Variants in CYRIA observed in about 807,000 individuals in gnomAD.
CYRIA encodes the protein CYFIP-related Rac1 interactor A.
In CYRIA, 15 loss-of-function variants were observed where a neutral mutation model predicts 43.9. The ratio of observed to expected loss-of-function variants is 0.34; its 90% CI spans 0.23 to 0.53. The LOEUF is 0.53. Among genes scored for constraint, CYRIA ranks in the 20% least tolerant of loss-of-function variants. The probability of loss-of-function intolerance (pLI) is 0.94; values close to 1 mark genes in which losing one functional copy is unlikely to be tolerated. For synonymous variants in CYRIA, 117 were observed against 136.0 expected (o/e 0.86, Z 0.97); for missense variants, 236 against 394.2 (o/e 0.60, Z 3.40).
intron 1 of CYRIA, among the ~76,000 whole-genome samples, chr2:16,645,654 G>A (rs537618748): frequency 1.3e-5 from 2 of 152,268 alleles, no homozygotes; most frequent in Admixed American, 6.5e-5. Context: ...AAAGCTCTAC[G>A]ATGTCACAAA....
At chr2:16,578,284 T>C (rs1572474444) in intron 3 of CYRIA, among the ~76,000 whole-genome samples, 1 of 152,186 alleles carries the variant, frequency 6.6e-6, no homozygotes, top group East Asian at 1.9e-4. Context: ...TGTGATTTTC[T>C]GAGTGCACGT....
chr2:16,649,873 G>A (rs1247386877), intron 1 of CYRIA, among the ~76,000 whole-genome samples: 1 of 152,182 alleles, frequency 6.6e-6, no homozygotes, highest in Non-Finnish European at 1.5e-5. Context: ...TCCCTGGGAG[G>A]AGGTTACAAT....
In CYRIA at chr2:16,605,518, A is replaced by T. The variant is rs561130810; in HGVS notation, c.-10-17389T>A. Among the ~76,000 whole-genome samples, 3 of 152,246 alleles carry T rather than the reference A, an allele frequency of 2.0e-5. No homozygotes were observed. The South Asian group carries it at 6.2e-4, about 32-fold the overall frequency. ...CTAGGCAGGTGGACACTCTCAGCCT[A>T]CCCAGGCCCGTTCTGCCTAATTTCA... On this transcript the variant is annotated intron_variant, in intron 2 of 11. Transcript: ENST00000381323.
At chr2:16,557,012 G>C (rs1206907807) in intron 10 of CYRIA, among the ~76,000 whole-genome samples, 1 of 152,090 alleles carries the variant, frequency 6.6e-6, no homozygotes, top group African/African-American at 2.4e-5. Context: ...GTGTCCATGG[G>C]AAATGGGGTC....
rs541200698 is a variant in CYRIA at position 16,572,586 on chromosome 2, G to A, written c.71-6819C>T. Among the ~76,000 whole-genome samples the A allele has an allele frequency of 2.6e-5, 4 of 152,246 alleles. No homozygotes were observed. The East Asian group carries it at 5.8e-4, about 22-fold the overall frequency. ...GGTCTGAGTTAGCAACAACAGCAAC[G>A]ATCCCAGATGATAGGCTGATCTGAC... On this transcript the variant is annotated intron_variant, in intron 3 of 11. Coordinates refer to ENST00000381323, the MANE Select transcript of CYRIA (RefSeq NM_030797.4).
At chr2:16,628,023 C>T (rs979458460) in intron 1 of CYRIA, among the ~76,000 whole-genome samples, 9 of 152,210 alleles carry the variant, frequency 5.9e-5, no homozygotes, top group Admixed American at 5.2e-4. Context: ...GCAGTGCACA[C>T]ATGCCCGGGA....
chr2:16,638,065 G>T (rs962060673), intron 1 of CYRIA, among the ~76,000 whole-genome samples: 4 of 152,160 alleles, frequency 2.6e-5, no homozygotes, highest in Admixed American at 6.5e-5. Flanking sequence ...CTCATCTTGG[G>T]GTTTGGAAGG....
chr2:16,656,157 A>G (rs1670105419), intron 1 of CYRIA, among the ~76,000 whole-genome samples: 1 of 152,084 alleles, frequency 6.6e-6, no homozygotes, highest in Non-Finnish European at 1.5e-5. Context: ...ATGCACATGT[A>G]CACGCTTACA....
intron 1 of CYRIA, among the ~76,000 whole-genome samples, chr2:16,643,928 T>C (rs1669747288): frequency 6.6e-6 from 1 of 152,226 alleles, no homozygotes; most frequent in Admixed American, 6.5e-5. Flanking sequence ...CCAAGCACAG[T>C]GCCTGCAGAC....
intron 2 of CYRIA, among the ~76,000 whole-genome samples, chr2:16,591,864 A>T (rs1443704443): frequency 6.6e-6 from 1 of 152,050 alleles, no homozygotes; most frequent in African/African-American, 2.4e-5. Flanking sequence ...CTTACTTTAG[A>T]CACACACACA....
At chr2:16,619,560 C>A (rs1001418734) in intron 2 of CYRIA, among the ~76,000 whole-genome samples, 4 of 152,202 alleles carry the variant, frequency 2.6e-5, no homozygotes, top group Non-Finnish European at 4.4e-5. Context: ...GCTGTTAAAT[C>A]AGCGTTTCTG....
At chr2:16,613,488 T>C (rs552677517) in intron 2 of CYRIA, among the ~76,000 whole-genome samples, 6 of 152,370 alleles carry the variant, frequency 3.9e-5, no homozygotes, top group Admixed American at 2.6e-4. Context: ...CTCGATGCTA[T>C]GCTAAGCGCT....
chr2:16,613,487 A>G (rs1190684833), intron 2 of CYRIA, among the ~76,000 whole-genome samples: 11 of 150,410 alleles, frequency 7.3e-5, no homozygotes, highest in Non-Finnish European at 1.0e-4. Context: ...ACTCGATGCT[A>G]TGCTAAGCGC....
At chr2:16,657,830 C>A (rs570773208) in intron 1 of CYRIA, among the ~76,000 whole-genome samples, 29 of 152,284 alleles carry the variant, frequency 1.9e-4, no homozygotes, top group African/African-American at 6.5e-4. Context: ...CTGCTGAAAA[C>A]CTCATTCATC....
chr2:16,641,907 T>C (rs932055776), intron 1 of CYRIA, among the ~76,000 whole-genome samples: 1 of 152,226 alleles, frequency 6.6e-6, no homozygotes, highest in Non-Finnish European at 1.5e-5. Context: ...ATTGACACAA[T>C]TGAGTTATCA....
chr2:16,560,205 T>A (rs537094530), intron 9 of CYRIA, among the ~76,000 whole-genome samples: 24 of 152,332 alleles, frequency 1.6e-4, no homozygotes, highest in African/African-American at 5.5e-4. Flanking sequence ...TATTTCATTA[T>A]GAATTGGCTC....
At chr2:16,659,390 G>T (rs1020839945) in intron 1 of CYRIA, among the ~76,000 whole-genome samples, 3 of 152,192 alleles carry the variant, frequency 2.0e-5, no homozygotes, top group African/African-American at 7.2e-5. Flanking sequence ...CCATAAAATG[G>T]GGATAATATC....
rs1302232194 is a variant in CYRIA at position 16,550,578 on chromosome 2, C to T, written c.*2358G>A. ...GCTAAATTGAGGCAGGACAGCAGCC[C>T]CTTCCATATGTTTGGTCCCATTTGA... On this transcript the variant is annotated 3_prime_UTR_variant, in exon 12 of 12. Transcript: ENST00000381323. 6.6e-6 allele frequency: 1 copy of T among 152,082 alleles called. No individual in the cohort carries two copies. The highest frequency in any genetic ancestry group is 2.1e-4 in the South Asian group (1 of 4,830). 9.4% of individuals were successfully genotyped at this position (152,082 alleles called of 1,614,324 possible).
intron 3 of CYRIA, among the ~76,000 whole-genome samples, chr2:16,573,696 A>G (rs1337644124): frequency 6.6e-6 from 1 of 152,200 alleles, no homozygotes; most frequent in East Asian, 1.9e-4. Flanking sequence ...GGTTTTATAA[A>G]GAGGAGTTCC....
Sources: allele counts gnomAD v4.1 joint callset (sites outside exome capture counted in the v4.1 genomes callset), GRCh38; gene constraint gnomAD v4.1.1; transcripts MANE v1.5; gene names NCBI Gene and HGNC (gene_info 2026-07-23, HGNC 2026-07-21).